TRPC5: variants seen among roughly 807,000 people sequenced by gnomAD.
TRPC5 encodes transient receptor potential cation channel subfamily C member 5, also known as short transient receptor potential channel 5.
A neutral mutation model predicts 56.5 loss-of-function variants in TRPC5; 9 were observed. The ratio of observed to expected loss-of-function variants is 0.16; its 90% CI spans 0.10 to 0.28. The LOEUF is 0.28. Ranked by LOEUF, TRPC5 falls within the 10% of genes least tolerant of loss-of-function variation. The pLI is 1.00. For missense variants in TRPC5, 469 were observed against 748.9 expected (o/e 0.63, Z 4.36); for synonymous variants, 282 against 278.5 (o/e 1.01, Z -0.13).
intron 7 of TRPC5, among the ~76,000 whole-genome samples, chrX:111,818,182 A>T (rs1408374002): frequency 8.9e-6 from 1 of 111,891 alleles, no homozygotes; most frequent in African/African-American, 3.3e-5. Flanking sequence ...ACTGGGGGGA[A>T]AATTTTGCCT....
Position 111,782,021 on chromosome X carries a change from A to G in TRPC5, c.2014T>C (p.Tyr672His), listed in dbSNP as rs759412912. The G allele has an allele frequency of 2.5e-5, 30 of 1,210,341 alleles. No homozygotes were observed. Among genetic ancestry groups the G allele is most frequent in the Non-Finnish European group, 3.4e-5 (30 of 894,996 alleles). The change falls in exon 8 of 11, where the codon TAC becomes CAC. Residue 672 changes from tyrosine (Y) to histidine (H), a missense_variant. Around this residue, in one of 3 missense-constraint regions of TRPC5, gnomAD observed 157 missense variants for 360.0 expected, o/e 0.44. Coordinates refer to ENST00000262839, the MANE Select transcript of TRPC5 (RefSeq NM_012471.3). ...GTGTTGTTGAACCAGTTACCAAGGTATAGAAATGACTTGGGGCTGGGGATG... is the reference window on the plus strand; with the variant it reads ...GTGTTGTTGAACCAGTTACCAAGGTGTAGAAATGACTTGGGGCTGGGGATG... ...NIIPSPKSFL[Y>H]LGNWFNNTFC...
intron 7 of TRPC5, among the ~76,000 whole-genome samples, chrX:111,792,940 G>A (rs766963923): frequency 3.6e-5 from 4 of 111,863 alleles, no homozygotes; most frequent in South Asian, 7.6e-4. Context: ...AATTTCAATG[G>A]CAAATGGACA....
intron 2 of TRPC5, among the ~76,000 whole-genome samples, chrX:111,940,273 C>T (rs762132551): frequency 2.7e-5 from 3 of 111,666 alleles, no homozygotes; most frequent in South Asian, 3.8e-4. Flanking sequence ...CGAGAAGATG[C>T]GGAGTCTCTG....
Position 112,063,949 on chromosome X carries a change from G to A in TRPC5, c.-22+17930C>T, listed in dbSNP as rs115503685. Among the ~76,000 whole-genome samples, 671 of 111,236 alleles carry A rather than the reference G, an allele frequency of 6.0e-3. 2 individuals are homozygous for A. Among genetic ancestry groups the A allele is most frequent in the African/African-American group, 0.021 (645 of 30,578 alleles). Reference sequence around the variant, plus strand: ...TGGGACTACAGGCGCCCACCACCACGTCCGGCCAAGTGCTTACTTATTCTA... The same window carrying A: ...TGGGACTACAGGCGCCCACCACCACATCCGGCCAAGTGCTTACTTATTCTA... On this transcript the variant is annotated intron_variant, in intron 1 of 10. Coordinates refer to ENST00000262839, the MANE Select transcript of TRPC5 (RefSeq NM_012471.3).
chrX:111,813,806 C>T (rs1041866277), intron 7 of TRPC5, among the ~76,000 whole-genome samples: 1 of 112,273 alleles, frequency 8.9e-6, no homozygotes, highest in Non-Finnish European at 1.9e-5. Flanking sequence ...TTACCTACTT[C>T]ACTTGAGTAT....
At chrX:111,821,946 G>C (rs1327390730) in intron 7 of TRPC5, among the ~76,000 whole-genome samples, 1 of 111,138 alleles carries the variant, frequency 9.0e-6, no homozygotes, top group Non-Finnish European at 1.9e-5. Flanking sequence ...CAACCCTTCA[G>C]AGTGTTGTGG....
intron 2 of TRPC5, among the ~76,000 whole-genome samples, chrX:111,940,780 G>A (rs957132408): frequency 1.8e-5 from 2 of 110,594 alleles, no homozygotes; most frequent in Non-Finnish European, 3.8e-5. Flanking sequence ...CTGGGCTTGA[G>A]ATAAGCAATG....
chrX:112,034,374 C>T (rs374611131), intron 1 of TRPC5, among the ~76,000 whole-genome samples: 2 of 103,086 alleles, frequency 1.9e-5, no homozygotes, highest in East Asian at 6.1e-4. Flanking sequence ...AAATTTCTTC[C>T]TAGACATTTG....
intron 2 of TRPC5, among the ~76,000 whole-genome samples, chrX:111,915,360 G>T (rs1332873896): frequency 1.8e-5 from 2 of 111,620 alleles, no homozygotes; most frequent in Non-Finnish European, 3.8e-5. Context: ...AAGAAAACTG[G>T]TCTACAGTGA....
chrX:112,071,601 G>A (rs139052102), intron 1 of TRPC5, among the ~76,000 whole-genome samples: 1,212 of 112,202 alleles, frequency 0.011, 2 homozygotes, highest in East Asian at 0.026. Flanking sequence ...ATTGTAGTAG[G>A]AAAGCTGTCA....
chrX:111,919,357 G>C (rs934688534), intron 2 of TRPC5, among the ~76,000 whole-genome samples: 4 of 111,786 alleles, frequency 3.6e-5, no homozygotes, highest in African/African-American at 1.3e-4. Context: ...AACCCGCTCG[G>C]GTCCCCTTCC....
At chrX:111,949,717 G>T in intron 2 of TRPC5, among the ~76,000 whole-genome samples, 1 of 111,611 alleles carries the variant, frequency 9.0e-6, no homozygotes, top group East Asian at 2.8e-4. Flanking sequence ...TGGATGCAGT[G>T]AACAGGGAAC....
chrX:111,985,888 A>C (rs1345443476), intron 1 of TRPC5, among the ~76,000 whole-genome samples: 13 of 111,709 alleles, frequency 1.2e-4, no homozygotes, highest in Non-Finnish European at 2.1e-4. Flanking sequence ...GGCCCCTGCC[A>C]CACCAGAATC....
chrX:111,854,284 C>T (rs1480937800), intron 3 of TRPC5, among the ~76,000 whole-genome samples, 178 bp from the exon 4 acceptor site: 1 of 111,798 alleles, frequency 8.9e-6, no homozygotes, highest in Admixed American at 9.5e-5. Flanking sequence ...CTCTTCATGT[C>T]AAACTATGAA....
chrX:111,824,041 C>A (rs769202926), intron 7 of TRPC5, among the ~76,000 whole-genome samples: 1 of 107,228 alleles, frequency 9.3e-6, no homozygotes, highest in Middle Eastern at 4.7e-3. Context: ...GATCAGCCTG[C>A]ACAACATGAT....
intron 1 of TRPC5, among the ~76,000 whole-genome samples, chrX:112,020,542 A>C (rs148490169): frequency 7.5e-4 from 84 of 112,354 alleles, no homozygotes; most frequent in African/African-American, 2.2e-3. Flanking sequence ...CTTAGGCCTG[A>C]ATGTAAAAAA....
chrX:112,008,886 C>A (rs1038007998), intron 1 of TRPC5, among the ~76,000 whole-genome samples: 2 of 111,627 alleles, frequency 1.8e-5, no homozygotes, highest in South Asian at 7.6e-4. Flanking sequence ...AGTGTGTGGG[C>A]TGTGCAACCA....
At chrX:111,849,301 C>A (rs1395600485) in intron 5 of TRPC5, among the ~76,000 whole-genome samples, 1 of 112,119 alleles carries the variant, frequency 8.9e-6, no homozygotes, top group Admixed American at 9.4e-5. Context: ...ATACTTTGCA[C>A]CTTTGGAGAA....
intron 10 of TRPC5, among the ~76,000 whole-genome samples, chrX:111,777,394 A>C (rs1473369981): frequency 9.0e-6 from 1 of 110,854 alleles, no homozygotes; most frequent in Non-Finnish European, 1.9e-5. Flanking sequence ...AACGAGTGAA[A>C]CTAGAAAAGT....
Sources: allele counts gnomAD v4.1 joint callset (sites outside exome capture counted in the v4.1 genomes callset), GRCh38; gene constraint gnomAD v4.1.1; regional missense constraint gnomAD v4.1.1; transcripts MANE v1.5; gene names NCBI Gene and HGNC (gene_info 2026-07-23, HGNC 2026-07-21).